UNC13C: variants seen among roughly 807,000 people sequenced by gnomAD.
UNC13C encodes the protein protein unc-13 homolog C.
UNC13C carries 174 observed loss-of-function variants against 245.4 expected under a neutral mutation model. That is an observed-to-expected ratio of 0.71 (90% CI 0.63 to 0.80). The LOEUF (loss-of-function observed/expected upper bound fraction) is 0.80. Among genes scored for constraint, UNC13C ranks in the 30% least tolerant of loss-of-function variants. The pLI is 0.00. For synonymous variants in UNC13C, 992 were observed against 895.1 expected (o/e 1.11, Z -1.93); for missense variants, 2,829 against 2,602.9 (o/e 1.09, Z -1.89).
intron 30 of UNC13C, among the ~76,000 whole-genome samples, chr15:54,596,299 C>T (rs1899080245): frequency 6.6e-6 from 1 of 152,182 alleles, no homozygotes; most frequent in African/African-American, 2.4e-5. Flanking sequence ...ATATCACATG[C>T]CAAACATGCC....
the UNC13C span, among the ~76,000 whole-genome samples, chr15:53,855,717 A>T: frequency 6.6e-6 from 1 of 152,150 alleles, no homozygotes; most frequent in South Asian, 2.1e-4. Flanking sequence ...ATAATTCACC[A>T]TCGATGTTGG....
intron 4 of UNC13C, among the ~76,000 whole-genome samples, chr15:54,154,792 G>T (rs1019496638): frequency 2.0e-5 from 3 of 152,160 alleles, no homozygotes; most frequent in Non-Finnish European, 4.4e-5. Flanking sequence ...GTATTCAAAA[G>T]ATTAGGTTAT....
intron 2 of UNC13C, among the ~76,000 whole-genome samples, chr15:54,120,211 A>G (rs1478583281): frequency 3.9e-5 from 6 of 152,174 alleles, no homozygotes; most frequent in South Asian, 2.1e-4. Context: ...CAAGCTTCAA[A>G]GAACAAGCTG....
chr15:54,449,175 T>A (rs1891011384), intron 19 of UNC13C, among the ~76,000 whole-genome samples: 1 of 152,234 alleles, frequency 6.6e-6, no homozygotes, highest in Non-Finnish European at 1.5e-5. Flanking sequence ...CCTTTGTGGG[T>A]AACCCGACTT....
intron 1 of UNC13C, among the ~76,000 whole-genome samples, chr15:53,979,154 A>C (rs1196554729): frequency 6.6e-6 from 1 of 152,228 alleles, no homozygotes; most frequent in Non-Finnish European, 1.5e-5. Context: ...ATTCAGAATG[A>C]TAAATGACTG....
chr15:54,235,449 A>G (rs1209796631), intron 5 of UNC13C, among the ~76,000 whole-genome samples: 2 of 152,126 alleles, frequency 1.3e-5, no homozygotes, highest in Non-Finnish European at 2.9e-5. Context: ...TTAATTCACA[A>G]TGCTTGAGGC....
chr15:54,450,386 C>T lies in UNC13C; in HGVS notation c.4933+35319C>T, dbSNP rs148455463. 9.4e-3 allele frequency among the ~76,000 whole-genome samples: 1,438 copies of T among 152,322 alleles called. 24 individuals carry two copies. The highest frequency in any genetic ancestry group is 0.033 in the African/African-American group (1,389 of 41,582). ...CCCCAGAGGTGGAGTCTACAGAGGC[C>T]GGCAGGCCTCCTTGAGCTGTGGTGG... On this transcript the variant is annotated intron_variant, in intron 19 of 32. Coordinates refer to ENST00000260323, the MANE Select transcript of UNC13C (RefSeq NM_001080534.3).
At chr15:54,300,876 A>G (rs548194782) in intron 13 of UNC13C, among the ~76,000 whole-genome samples, 3 of 152,288 alleles carry the variant, frequency 2.0e-5, no homozygotes, top group Non-Finnish European at 4.4e-5. Context: ...ATTTTAGACT[A>G]TGTCTTTCCT....
chr15:54,177,308 A>G (rs1193716235), intron 4 of UNC13C, among the ~76,000 whole-genome samples: 1 of 152,144 alleles, frequency 6.6e-6, no homozygotes, highest in Non-Finnish European at 1.5e-5. Flanking sequence ...TAATGACTGC[A>G]TTGATTCGTT....
intron 6 of UNC13C, 150 bp downstream of exon 6, chr15:54,236,585 T>A: frequency 1.6e-6 from 1 of 636,300 alleles, no homozygotes; most frequent in Non-Finnish European, 2.6e-6. Context: ...ATTTAACCTC[T>A]GGTTCAATTC....
chr15:54,149,715 T>A (rs969020575), intron 4 of UNC13C, among the ~76,000 whole-genome samples: 2 of 152,220 alleles, frequency 1.3e-5, no homozygotes, highest in Non-Finnish European at 2.9e-5. Context: ...TTTTCTTGAA[T>A]GTAAAGGACA....
At chr15:53,844,533 G>A in the UNC13C span, among the ~76,000 whole-genome samples, 7 of 152,216 alleles carry the variant, frequency 4.6e-5, no homozygotes, top group South Asian at 4.2e-4. Context: ...GGTGTTTATC[G>A]AAGTTAGGCT....
chr15:53,889,176 T>C, the UNC13C span, among the ~76,000 whole-genome samples: 1 of 152,160 alleles, frequency 6.6e-6, no homozygotes, highest in African/African-American at 2.4e-5. Flanking sequence ...ATTCTCCCTA[T>C]CTATGAGCAT....
chr15:54,550,609 A>G (rs1222397142), intron 28 of UNC13C, among the ~76,000 whole-genome samples: 2 of 152,176 alleles, frequency 1.3e-5, no homozygotes, highest in Non-Finnish European at 2.9e-5. Context: ...ATTCTATTTT[A>G]TCATCCACAT....
At chr15:54,367,965 C>A (rs1219784572) in intron 17 of UNC13C, among the ~76,000 whole-genome samples, 1 of 152,060 alleles carries the variant, frequency 6.6e-6, no homozygotes, top group African/African-American at 2.4e-5. Flanking sequence ...AACTCTGGAA[C>A]TCAGAACAAA....
chr15:54,538,126 TAAC>T (rs1227804833), intron 26 of UNC13C, among the ~76,000 whole-genome samples: 5 of 13,120 alleles, frequency 3.8e-4, no homozygotes, highest in Admixed American at 9.9e-4. Flanking sequence ...TTAAATACAT[TAAC>T]AAGCAAAAAA....
At chr15:53,989,017 A>G (rs777667154) in intron 1 of UNC13C, among the ~76,000 whole-genome samples, 5 of 151,938 alleles carry the variant, frequency 3.3e-5, no homozygotes, top group South Asian at 4.1e-4. Flanking sequence ...TCACTTCTTC[A>G]TCGTCATCAG....
intron 27 of UNC13C, among the ~76,000 whole-genome samples, chr15:54,548,559 G>A (rs1896597166): frequency 1.3e-5 from 2 of 152,046 alleles, no homozygotes; most frequent in Non-Finnish European, 2.9e-5. Context: ...TAGCAATTAT[G>A]GTTTTGATTG....
At chr15:53,852,412 A>G in the UNC13C span, among the ~76,000 whole-genome samples, 2 of 152,252 alleles carry the variant, frequency 1.3e-5, no homozygotes, top group South Asian at 4.1e-4. Flanking sequence ...GTTTTCTACA[A>G]TTACTCCTTT....
Sources: gnomAD v4.1 joint callset for allele counts (sites outside exome capture counted in the v4.1 genomes callset) on GRCh38, gnomAD v4.1.1 for gene constraint, MANE v1.5 for transcripts, NCBI Gene and HGNC (gene_info 2026-07-23, HGNC 2026-07-21) for gene names.